Variants in KAZN observed in about 807,000 individuals in gnomAD.
The protein encoded by KAZN is kazrin, periplakin interacting protein.
KAZN carries 40 observed loss-of-function variants against 87.4 expected under a neutral mutation model. The observed-to-expected ratio is 0.46, with a 90% CI of 0.36 to 0.60. KAZN has a LOEUF of 0.60. KAZN is among the 20% of genes least tolerant of loss of function. The pLI is 0.00. For missense variants in KAZN, 898 were observed against 1,073.9 expected (o/e 0.84, Z 2.29); for synonymous variants, 466 against 458.3 (o/e 1.02, Z -0.22).
chr1:14,183,169 T>C (rs993680777), intron 2 of KAZN, among the ~76,000 whole-genome samples: 6 of 152,182 alleles, frequency 3.9e-5, no homozygotes, highest in Non-Finnish European at 8.8e-5. Context: ...CAATAAATCC[T>C]GCTTAGGAGA....
chr1:14,783,844 T>G (rs986760507), intron 1 of KAZN, among the ~76,000 whole-genome samples: 1 of 151,002 alleles, frequency 6.6e-6, no homozygotes, highest in Non-Finnish European at 1.5e-5. Flanking sequence ...GTAATGGGGG[T>G]GGAGGACTTG....
intron 1 of KAZN, among the ~76,000 whole-genome samples, chr1:13,991,491 A>G (rs1557768036): frequency 1.3e-5 from 2 of 152,170 alleles, no homozygotes; most frequent in Non-Finnish European, 2.9e-5. Flanking sequence ...ATACAGATAA[A>G]ATAAATGTAA....
intron 1 of KAZN, among the ~76,000 whole-genome samples, chr1:14,865,741 A>T (rs1246724276): frequency 1.3e-5 from 2 of 152,170 alleles, no homozygotes; most frequent in Non-Finnish European, 2.9e-5. Context: ...TGAAAACAAG[A>T]TCTCTGTGGT....
At chr1:14,475,191 A>T (rs1668654624) in intron 2 of KAZN, among the ~76,000 whole-genome samples, 1 of 152,150 alleles carries the variant, frequency 6.6e-6, no homozygotes, top group Admixed American at 6.5e-5. Flanking sequence ...AAGGAAAGAT[A>T]TTGGGTGATG....
Position 15,014,572 on chromosome 1 carries a change from G to A in KAZN, c.419-20177G>A, listed in dbSNP as rs75815538. Among the ~76,000 whole-genome samples, 930 of 152,234 alleles carry A rather than the reference G, an allele frequency of 6.1e-3. 6 individuals are homozygous for A. Among genetic ancestry groups the A allele is most frequent in the Non-Finnish European group, 9.9e-3 (673 of 68,020 alleles). On this transcript the variant is annotated intron_variant, in intron 2 of 14. Transcript: ENST00000376030. ...GGCATTTCCAGCACGTTGGAAAAGC[G>A]CCCTAAAACCCTGCTCCGGGCTTCT...
intron 1 of KAZN, among the ~76,000 whole-genome samples, chr1:14,073,367 T>A (rs1338076625): frequency 6.6e-6 from 1 of 152,172 alleles, no homozygotes; most frequent in Non-Finnish European, 1.5e-5. Context: ...TTCTTTTCTA[T>A]TTTATTTCAT....
At chr1:14,948,230 G>A (rs890039998) in intron 1 of KAZN, among the ~76,000 whole-genome samples, 19 of 152,188 alleles carry the variant, frequency 1.2e-4, no homozygotes, top group African/African-American at 3.4e-4. Context: ...GGGAATAATT[G>A]GCTTATGTAA....
chr1:13,930,719 C>T (rs12072912), intron 1 of KAZN, among the ~76,000 whole-genome samples: 20,283 of 152,208 alleles, frequency 0.13, 1,446 homozygotes, highest in Middle Eastern at 0.22. Flanking sequence ...GAAGGTTTTA[C>T]CAAGGTAGGA....
chr1:14,316,256 G>A (rs1557635067), intron 2 of KAZN, among the ~76,000 whole-genome samples: 1 of 151,932 alleles, frequency 6.6e-6, no homozygotes, highest in Non-Finnish European at 1.5e-5. Context: ...AGTTGTAAGA[G>A]TTCTTTATGT....
intron 2 of KAZN, among the ~76,000 whole-genome samples, chr1:14,374,880 T>C (rs1224784659): frequency 6.6e-6 from 1 of 152,192 alleles, no homozygotes; most frequent in Non-Finnish European, 1.5e-5. Context: ...AGGAGGTCAG[T>C]AAATTTAACA....
intron 1 of KAZN, among the ~76,000 whole-genome samples, chr1:14,002,759 A>G (rs918357680): frequency 7.2e-5 from 11 of 152,180 alleles, no homozygotes; most frequent in Non-Finnish European, 1.6e-4. Context: ...GTTGGTGGGA[A>G]TGTAAATTAG....
rs577085791 is a variant in KAZN, at chr1:13,917,644, T to A, written c.91+23888T>A. On this transcript the variant is annotated intron_variant, in intron 1 of 16. Transcript: ENST00000636203. The stretch of plus-strand genomic sequence containing the variant: ...GACATCATTTATATAAAAAATTTTT[T>A]AAAAATTAGCTGGGTGTAGTGATGC... 7.1e-4 allele frequency among the ~76,000 whole-genome samples: 107 copies of A among 151,614 alleles called. 3 individuals are homozygous for A. In the South Asian group the frequency reaches 0.02, roughly 29 times the overall value.
At chr1:14,431,390 C>T (rs1289835445) in intron 2 of KAZN, among the ~76,000 whole-genome samples, 1 of 152,158 alleles carries the variant, frequency 6.6e-6, no homozygotes, top group African/African-American at 2.4e-5. Flanking sequence ...CTGTTCCAAG[C>T]CCCTACTTGG....
At chr1:14,793,561 C>G (rs1557495663) in intron 1 of KAZN, among the ~76,000 whole-genome samples, 1 of 152,180 alleles carries the variant, frequency 6.6e-6, no homozygotes, top group South Asian at 2.1e-4. Context: ...ACAAGAGTAC[C>G]TGGTTATAGG....
chr1:14,511,722 T>C (rs1055244028), intron 2 of KAZN, among the ~76,000 whole-genome samples: 4 of 152,210 alleles, frequency 2.6e-5, no homozygotes, highest in Admixed American at 1.3e-4. Context: ...TATGTTATTA[T>C]ATGTGTATCA....
At chr1:14,381,887 T>C (rs565583383) in intron 2 of KAZN, among the ~76,000 whole-genome samples, 68 of 152,272 alleles carry the variant, frequency 4.5e-4, no homozygotes, top group African/African-American at 1.6e-3. Context: ...AGAAGTCAAA[T>C]ATCCTTGTTT....
At chr1:14,297,111 G>C (rs1234583629) in intron 2 of KAZN, among the ~76,000 whole-genome samples, 3 of 152,116 alleles carry the variant, frequency 2.0e-5, no homozygotes, top group Admixed American at 2.0e-4. Context: ...CAGAAAACCT[G>C]GGCTTACATA....
intron 2 of KAZN, among the ~76,000 whole-genome samples, chr1:14,308,360 G>T (rs181542714): frequency 2.6e-5 from 4 of 152,230 alleles, no homozygotes; most frequent in Admixed American, 2.6e-4. Flanking sequence ...AATATTTAGG[G>T]TTATGTGGGC....
intron 1 of KAZN, among the ~76,000 whole-genome samples, chr1:13,985,186 CTTT>C (rs2101091913): frequency 6.6e-6 from 1 of 151,526 alleles, no homozygotes; most frequent in East Asian, 1.9e-4. Flanking sequence ...ATTTTTATTC[CTTT>C]TTATAAAGCT....
Sources: allele counts gnomAD v4.1 joint callset (sites outside exome capture counted in the v4.1 genomes callset), GRCh38; gene constraint gnomAD v4.1.1; transcripts MANE v1.5; gene names NCBI Gene and HGNC (gene_info 2026-07-23, HGNC 2026-07-21).